Variants in VPS13B observed in about 807,000 individuals in gnomAD.
VPS13B encodes the protein vacuolar protein sorting 13 homolog B.
In VPS13B, 285 loss-of-function variants were observed where a neutral mutation model predicts 426.4. The ratio of observed to expected loss-of-function variants is 0.67; its 90% CI spans 0.61 to 0.74. VPS13B has a LOEUF of 0.74. VPS13B is among the 30% of genes least tolerant of loss of function. VPS13B has a pLI of 0.00. For missense variants in VPS13B, 4,537 were observed against 4,782.6 expected (o/e 0.95, Z 1.51); for synonymous variants, 1,676 against 1,676.4 (o/e 1.00, Z 0.01).
chr8:99,527,519 C>T (rs989516320), intron 30 of VPS13B, among the ~76,000 whole-genome samples: 8 of 152,166 alleles, frequency 5.3e-5, no homozygotes, highest in Middle Eastern at 3.4e-3. Flanking sequence ...TAAACTCAAT[C>T]TGAGATTCTC....
At chr8:99,638,369 T>A (rs1014879912) in intron 33 of VPS13B, among the ~76,000 whole-genome samples, 1 of 152,190 alleles carries the variant, frequency 6.6e-6, no homozygotes, top group African/African-American at 2.4e-5. Flanking sequence ...TGTTAGCTTA[T>A]GTAATGTGCT....
intron 21 of VPS13B, among the ~76,000 whole-genome samples, chr8:99,428,736 A>G (rs577872993): frequency 1.0e-3 from 153 of 152,310 alleles, no homozygotes; most frequent in African/African-American, 3.5e-3. Flanking sequence ...TTCCTCAGGG[A>G]TCAAGAACTA....
intron 19 of VPS13B, among the ~76,000 whole-genome samples, chr8:99,372,249 C>CAAAA (rs34602174): frequency 2.4e-5 from 2 of 84,666 alleles, no homozygotes; most frequent in Non-Finnish European, 5.4e-5. Flanking sequence ...GACTCCGTCT[C>CAAAA]AAAAAAAAAA....
chr8:99,144,268 G>A (rs1810580631), intron 13 of VPS13B, among the ~76,000 whole-genome samples: 1 of 151,928 alleles, frequency 6.6e-6, no homozygotes, highest in South Asian at 2.1e-4. Context: ...AAGGCAGGAG[G>A]ATTGCTTGAG....
intron 61 of VPS13B, among the ~76,000 whole-genome samples, chr8:99,872,173 G>A (rs1479323758): frequency 6.6e-6 from 1 of 152,226 alleles, no homozygotes; most frequent in African/African-American, 2.4e-5. Flanking sequence ...GCAACTGGCT[G>A]CAGGGTGCTG....
intron 39 of VPS13B, among the ~76,000 whole-genome samples, chr8:99,739,689 G>A (rs985198757): frequency 3.3e-5 from 5 of 152,172 alleles, no homozygotes; most frequent in East Asian, 1.9e-4. Flanking sequence ...TGCAGCCTCC[G>A]CTGCTGATAC....
In VPS13B at chr8:99,242,352, T is replaced by C. The variant is rs537662840; in HGVS notation, c.2516-31846T>C. Among the ~76,000 whole-genome samples the C allele has an allele frequency of 4.6e-5, 7 of 152,364 alleles. No individual in the cohort carries two copies. The South Asian group carries it at 1.5e-3, about 32-fold the overall frequency. On this transcript the variant is annotated intron_variant, in intron 17 of 61. Coordinates refer to ENST00000357162, the MANE Select transcript of VPS13B (RefSeq NM_152564.5). ...AATCATTTTCAAAAATATTGACTTT[T>C]ACTGTATTTGAAATATATGTATAAA...
chr8:99,794,337 G>A (rs984385082), intron 43 of VPS13B, among the ~76,000 whole-genome samples: 54 of 152,308 alleles, frequency 3.5e-4, no homozygotes, highest in African/African-American at 1.2e-3. Flanking sequence ...AGAATTATCT[G>A]TTGCTGCAGA....
intron 3 of VPS13B, among the ~76,000 whole-genome samples, chr8:99,053,362 T>C (rs1305523821): frequency 6.6e-6 from 1 of 152,052 alleles, no homozygotes; most frequent in Non-Finnish European, 1.5e-5. Context: ...CATTGTTCAA[T>C]TCCCACCTAT....
intron 15 of VPS13B, among the ~76,000 whole-genome samples, chr8:99,168,977 G>C (rs1812173921): frequency 6.6e-6 from 1 of 151,882 alleles, no homozygotes; most frequent in South Asian, 2.1e-4. Flanking sequence ...GAGTATAATA[G>C]CTTTTTGAAA....
intron 25 of VPS13B, among the ~76,000 whole-genome samples, chr8:99,483,306 C>T (rs11988133): frequency 0.059 from 9,038 of 151,958 alleles, 360 homozygotes; most frequent in African/African-American, 0.11. Context: ...AATGAGGAAG[C>T]GATAGGAAGT....
intron 43 of VPS13B, among the ~76,000 whole-genome samples, chr8:99,793,391 A>G (rs913204707): frequency 6.6e-6 from 1 of 151,702 alleles, no homozygotes; most frequent in Admixed American, 6.6e-5. Context: ...AGCCAGAGGA[A>G]AACAACGCAT....
intron 17 of VPS13B, among the ~76,000 whole-genome samples, chr8:99,267,167 G>A (rs1818349954): frequency 6.6e-6 from 1 of 152,194 alleles, no homozygotes; most frequent in Non-Finnish European, 1.5e-5. Context: ...TGACTAAAAT[G>A]CTGACAGTGA....
chr8:99,709,296 C>T (rs1832619084), intron 36 of VPS13B, among the ~76,000 whole-genome samples: 1 of 152,112 alleles, frequency 6.6e-6, no homozygotes, highest in African/African-American at 2.4e-5. Flanking sequence ...ATTTAGATTG[C>T]ATTTTGCTTA....
chr8:99,497,644 A>G (rs3105175), intron 25 of VPS13B, among the ~76,000 whole-genome samples: 145,662 of 152,024 alleles, frequency 0.96, 69,842 homozygotes, highest in Middle Eastern at 1. Context: ...GGACTGAGAG[A>G]TTGTTTGGCA....
intron 43 of VPS13B, among the ~76,000 whole-genome samples, chr8:99,804,824 T>G (rs1813306437): frequency 6.6e-6 from 1 of 152,158 alleles, no homozygotes; most frequent in East Asian, 1.9e-4. Flanking sequence ...AGACCTCATC[T>G]TTACAAAAAA....
intron 30 of VPS13B, among the ~76,000 whole-genome samples, chr8:99,551,248 C>A (rs1824265898): frequency 7.2e-6 from 1 of 138,420 alleles, no homozygotes; most frequent in South Asian, 2.1e-4. Context: ...TGTCTTCAGG[C>A]AGTAACTATT....
At chr8:99,518,313 A>T (rs979977752) in intron 29 of VPS13B, among the ~76,000 whole-genome samples, 6 of 152,316 alleles carry the variant, frequency 3.9e-5, no homozygotes, top group Admixed American at 6.5e-5. Flanking sequence ...GCTTAATCAG[A>T]GGTTTTACCC....
intron 19 of VPS13B, among the ~76,000 whole-genome samples, chr8:99,317,792 G>A (rs149386781): frequency 2.6e-5 from 4 of 152,238 alleles, no homozygotes; most frequent in East Asian, 1.9e-4. Flanking sequence ...GAGAGGTACT[G>A]AAGGACTTGT....
Sources: allele counts gnomAD v4.1 joint callset (sites outside exome capture counted in the v4.1 genomes callset), GRCh38; gene constraint gnomAD v4.1.1; transcripts MANE v1.5; gene names NCBI Gene and HGNC (gene_info 2026-07-23, HGNC 2026-07-21).